The following GUCY1A2 variants were observed in gnomAD, a reference collection of about 807,000 sequenced individuals.
The protein encoded by GUCY1A2 is guanylate cyclase soluble subunit alpha-2.
In GUCY1A2, 27 loss-of-function variants were observed where a neutral mutation model predicts 63.5. The observed-to-expected ratio is 0.43, with a 90% confidence interval of 0.31 to 0.59. The LOEUF (loss-of-function observed/expected upper bound fraction) is 0.59. Ranked by LOEUF, GUCY1A2 falls within the 20% of genes least tolerant of loss-of-function variation. GUCY1A2 has a pLI of 0.11. For synonymous variants in GUCY1A2, 364 were observed against 343.5 expected (o/e 1.06, Z -0.66); for missense variants, 768 against 913.3 (o/e 0.84, Z 2.05).
chr11:106,926,119 C>T (rs1047599316), intron 4 of GUCY1A2, among the ~76,000 whole-genome samples: 3 of 152,064 alleles, frequency 2.0e-5, no homozygotes, highest in African/African-American at 7.2e-5. Flanking sequence ...ACAAAAACAT[C>T]TAGAAATTTA....
chr11:106,853,527 T>C (rs1859384636), intron 4 of GUCY1A2, among the ~76,000 whole-genome samples: 1 of 152,076 alleles, frequency 6.6e-6, no homozygotes, highest in South Asian at 2.1e-4. Context: ...CTATGTCAAA[T>C]TTCTCATTCA....
intron 6 of GUCY1A2, among the ~76,000 whole-genome samples, chr11:106,727,879 C>G (rs1353808954): frequency 6.6e-6 from 1 of 152,178 alleles, no homozygotes; most frequent in African/African-American, 2.4e-5. Flanking sequence ...ATTTCCCCTT[C>G]AAATTTCCAA....
chr11:106,933,501 T>C (rs1227017107), intron 4 of GUCY1A2, among the ~76,000 whole-genome samples: 4 of 152,198 alleles, frequency 2.6e-5, no homozygotes, highest in Non-Finnish European at 2.9e-5. Context: ...TTGGTGGGAC[T>C]ATAAATTAGT....
chr11:106,727,310 T>C lies in GUCY1A2; in HGVS notation c.1837-18644A>G, dbSNP rs1041689387. Among the ~76,000 whole-genome samples, 4 of 152,142 alleles carry C rather than the reference T, an allele frequency of 2.6e-5. No individual in the cohort carries two copies. The East Asian group carries it at 7.7e-4, about 29-fold the overall frequency. ...AACATGAGACCAGATTCAAGAGCTGTCCAAATTCAAGAGCTGTCCTGTGGG... is the reference window on the plus strand; with the variant it reads ...AACATGAGACCAGATTCAAGAGCTGCCCAAATTCAAGAGCTGTCCTGTGGG... On this transcript the variant is annotated intron_variant, in intron 6 of 7. Transcript: ENST00000526355.
chr11:106,690,912 ATAAT>A (rs1416858027), intron 7 of GUCY1A2, among the ~76,000 whole-genome samples: 3 of 152,092 alleles, frequency 2.0e-5, no homozygotes, highest in South Asian at 2.1e-4. Context: ...AAACTAAGAA[ATAAT>A]TAATGACAAT....
In GUCY1A2 at chr11:106,771,524, G is replaced by T. The variant is rs544544907; in HGVS notation, c.1836+4915C>A. ...ACATTTTGGGAGGCTGAGGCAGGAG[G>T]ATTGCTTGAGGCCAGGAGTTCACGA... is the stretch of plus-strand genomic sequence containing the variant. On this transcript the variant is annotated intron_variant, in intron 6 of 7. Coordinates refer to ENST00000526355, the MANE Select transcript of GUCY1A2 (RefSeq NM_000855.3). Among the ~76,000 whole-genome samples, 3 of 152,242 alleles carry T rather than the reference G, an allele frequency of 2.0e-5. No individual in the cohort carries two copies. In the East Asian group the frequency reaches 5.8e-4, roughly 29 times the overall value.
At chr11:107,015,614 C>T in intron 1 of GUCY1A2, among the ~76,000 whole-genome samples, 1 of 104,472 alleles carries the variant, frequency 9.6e-6, no homozygotes, top group African/African-American at 3.5e-5. Flanking sequence ...AAGGTTATAT[C>T]AACAATTCTC....
At chr11:106,967,268 T>C (rs948323609) in intron 3 of GUCY1A2, among the ~76,000 whole-genome samples, 18 of 152,278 alleles carry the variant, frequency 1.2e-4, no homozygotes, top group African/African-American at 2.6e-4. Flanking sequence ...CCCTTTCCTA[T>C]TGCAGCAACA....
chr11:107,009,063 T>C (rs917296602), intron 1 of GUCY1A2, among the ~76,000 whole-genome samples: 4 of 152,116 alleles, frequency 2.6e-5, no homozygotes, highest in African/African-American at 4.8e-5. Flanking sequence ...ATTATTAGAG[T>C]TGTCTGCAAA....
chr11:106,979,241 T>G (rs1861302402), intron 2 of GUCY1A2, among the ~76,000 whole-genome samples: 1 of 151,732 alleles, frequency 6.6e-6, no homozygotes, highest in Non-Finnish European at 1.5e-5. Context: ...AGATCACGAG[T>G]TCAGGAGATC....
intron 6 of GUCY1A2, among the ~76,000 whole-genome samples, chr11:106,738,412 A>C (rs1863628126): frequency 6.6e-6 from 1 of 152,052 alleles, no homozygotes; most frequent in African/African-American, 2.4e-5. Flanking sequence ...CCCATTTGTC[A>C]ATTTTGGCTT....
chr11:106,786,480 C>T (rs1025291010), intron 5 of GUCY1A2, among the ~76,000 whole-genome samples: 3 of 152,198 alleles, frequency 2.0e-5, no homozygotes, highest in African/African-American at 7.2e-5. Flanking sequence ...GAAAGCTCTC[C>T]TCCTGATAAA....
rs1452080889 is a variant in GUCY1A2 at position 106,681,497 on chromosome 11, G to T, written c.*6052C>A. 4.5e-6 allele frequency: 1 copy of T among 219,914 alleles called. No individual in the cohort carries two copies. Among genetic ancestry groups the T allele is most frequent in the Non-Finnish European group, 9.1e-6 (1 of 109,730 alleles). 13.6% of individuals were successfully genotyped at this position (219,914 alleles called of 1,614,324 possible). A position where few individuals can be genotyped will look rare whatever the true frequency, so the allele number is the denominator to read the frequency against. On this transcript the variant is annotated 3_prime_UTR_variant, in exon 8 of 8. Coordinates refer to ENST00000526355, the MANE Select transcript of GUCY1A2 (RefSeq NM_000855.3). ...AATAATACACAAATCTCTTTGACAG[G>T]AATAGAAATCATATTTTTATAGCCA...
At position 106,800,886 on chromosome 11, in the gene GUCY1A2, A is replaced by T. The variant is rs182328119; in HGVS notation, c.1692+9107T>A. On this transcript the variant is annotated intron_variant, in intron 5 of 7. Coordinates refer to ENST00000526355, the MANE Select transcript of GUCY1A2 (RefSeq NM_000855.3). The stretch of plus-strand genomic sequence containing the variant: ...CATGTACCCTAGAACTTAAAGTATA[A>T]AAAAAAAAAAGAATCTCATAGAATC... Among the ~76,000 whole-genome samples, 694 of 142,248 alleles carry T rather than the reference A, an allele frequency of 4.9e-3. 6 individuals are homozygous for T. The highest frequency in any genetic ancestry group is 0.018 in the African/African-American group (637 of 35,580). The allele number at this position is 142,248 out of a possible 152,430, so 93.3% of individuals were successfully genotyped here.
intron 4 of GUCY1A2, among the ~76,000 whole-genome samples, chr11:106,860,521 C>T (rs1859496676): frequency 6.6e-6 from 1 of 151,962 alleles, no homozygotes; most frequent in Admixed American, 6.6e-5. Context: ...CTCTACCCAA[C>T]CATAGTGTAT....
At chr11:106,985,542 C>G (rs757963552) in intron 2 of GUCY1A2, among the ~76,000 whole-genome samples, 12 of 152,170 alleles carry the variant, frequency 7.9e-5, no homozygotes, top group Non-Finnish European at 1.5e-4. Context: ...GCTAGTGAGG[C>G]CTTGAAGTCC....
chr11:106,775,634 A>G (rs911335821), intron 6 of GUCY1A2, among the ~76,000 whole-genome samples: 4 of 152,074 alleles, frequency 2.6e-5, no homozygotes, highest in Admixed American at 6.6e-5. Flanking sequence ...AGTGTCCCCA[A>G]TCTGCTATAA....
intron 1 of GUCY1A2, among the ~76,000 whole-genome samples, chr11:106,993,159 G>T (rs1018229015): frequency 6.6e-6 from 1 of 152,168 alleles, no homozygotes. Flanking sequence ...TAGTAAACAG[G>T]CTTGTCAGAG....
intron 4 of GUCY1A2, among the ~76,000 whole-genome samples, chr11:106,838,518 A>G (rs1365673339): frequency 2.0e-5 from 3 of 151,940 alleles, no homozygotes; most frequent in African/African-American, 7.2e-5. Flanking sequence ...TAACTAATGG[A>G]CAAACAAATT....
Sources: allele counts gnomAD v4.1 joint callset (sites outside exome capture counted in the v4.1 genomes callset), GRCh38; gene constraint gnomAD v4.1.1; transcripts MANE v1.5; gene names NCBI Gene and HGNC (gene_info 2026-07-23, HGNC 2026-07-21).